Variants in KCNG2 observed in about 807,000 individuals in gnomAD.
KCNG2 encodes the protein potassium voltage-gated channel modifier subfamily G member 2, also known as voltage-gated potassium channel regulatory subunit KCNG2.
A neutral mutation model predicts 12.3 loss-of-function variants in KCNG2; 7 were observed. That is an observed-to-expected ratio of 0.57 (90% CI 0.32 to 1.07). The LOEUF (loss-of-function observed/expected upper bound fraction) is 1.07, where lower values mean the gene tolerates loss of function less well. KCNG2 is among the 50% of genes least tolerant of loss of function. KCNG2 has a pLI of 0.04. For missense variants in KCNG2, 703 were observed against 726.0 expected, an observed-to-expected ratio of 0.97 and a Z score of 0.36; for synonymous variants, 414 against 351.4, an observed-to-expected ratio of 1.18 and a Z score of -1.99.
chr18:79,882,158 C>T (rs577383038), intron 3 of KCNG2, among the ~76,000 whole-genome samples: 11 of 152,194 alleles, frequency 7.2e-5, no homozygotes, highest in Admixed American at 1.3e-4. Flanking sequence ...AGTTCCCAGA[C>T]GTGGCGTCAG....
chr18:79,867,573 T>C (rs1979652899), intron 3 of KCNG2, among the ~76,000 whole-genome samples: 1 of 96,448 alleles, frequency 1.0e-5, no homozygotes, highest in Non-Finnish European at 2.0e-5. Context: ...GGAGGGACCG[T>C]GAGCTCAGTG....
intron 3 of KCNG2, among the ~76,000 whole-genome samples, chr18:79,865,848 CTG>C (rs1979494546): frequency 1.7e-5 from 1 of 57,536 alleles, no homozygotes; most frequent in Non-Finnish European, 4.8e-5. Context: ...GCTGAGAGGA[CTG>C]TGTGCTGAGA....
chr18:79,866,694 AGGTCTGGGTGCTG>A (rs1979579797), intron 3 of KCNG2, among the ~76,000 whole-genome samples: 3 of 112,138 alleles, frequency 2.7e-5, no homozygotes, highest in Non-Finnish European at 3.7e-5. Flanking sequence ...GGGTGCTGAG[AGGTCTGGGTGCTG>A]AGAAGTCTGT....
chr18:79,852,762 G>A (rs774296015), intron 1 of KCNG2, among the ~76,000 whole-genome samples: 79 of 152,352 alleles, frequency 5.2e-4, no homozygotes, highest in South Asian at 1.0e-3. Flanking sequence ...AATCAGGGGC[G>A]GAGCCGTAAT....
chr18:79,871,750 C>T (rs559456495), intron 3 of KCNG2, among the ~76,000 whole-genome samples: 1 of 152,330 alleles, frequency 6.6e-6, no homozygotes, highest in African/African-American at 2.4e-5. Flanking sequence ...GTCCCGTTGG[C>T]CTGGACGTCT....
At chr18:79,819,436 C>T (rs376482806) in intron 1 of KCNG2, among the ~76,000 whole-genome samples, 3 of 152,346 alleles carry the variant, frequency 2.0e-5, no homozygotes, top group African/African-American at 7.2e-5. Context: ...GTCCCCACAG[C>T]ACCTGTCCCA....
At chr18:79,889,228 G>T (rs567194341) in intron 3 of KCNG2, among the ~76,000 whole-genome samples, 12 of 152,196 alleles carry the variant, frequency 7.9e-5, no homozygotes, top group African/African-American at 2.9e-4. Context: ...ATCCTTTGTC[G>T]TGAAGATTTT....
intron 3 of KCNG2, among the ~76,000 whole-genome samples, chr18:79,879,337 G>T (rs550454582): frequency 5.9e-5 from 9 of 152,274 alleles, no homozygotes; most frequent in African/African-American, 2.2e-4. Context: ...GCAGTTTAGC[G>T]CCCCCGTCTC....
At chr18:79,893,228 A>AT (rs1444294295) in intron 3 of KCNG2, among the ~76,000 whole-genome samples, 8 of 151,026 alleles carry the variant, frequency 5.3e-5, no homozygotes, top group African/African-American at 1.5e-4. Flanking sequence ...TAATGGTACG[A>AT]TTGATATAGC....
intron 1 of KCNG2, among the ~76,000 whole-genome samples, chr18:79,815,514 C>T (rs973679535): frequency 2.0e-5 from 3 of 151,488 alleles, no homozygotes; most frequent in Admixed American, 6.6e-5. Context: ...TGGCTTCTAG[C>T]GGAATCAAAG....
At chr18:79,866,156 A>G (rs1216306953) in intron 3 of KCNG2, among the ~76,000 whole-genome samples, 27 of 53,114 alleles carry the variant, frequency 5.1e-4, no homozygotes, top group Middle Eastern at 0.019. Flanking sequence ...AGAGGTCGGT[A>G]TGCTGAGAGG....
At chr18:79,873,425 C>A (rs1979934792) in intron 3 of KCNG2, among the ~76,000 whole-genome samples, 6 of 133,522 alleles carry the variant, frequency 4.5e-5, no homozygotes, top group Admixed American at 4.4e-4. Flanking sequence ...GCCGGCCCCC[C>A]TCCCCCCCCC....
intron 3 of KCNG2, among the ~76,000 whole-genome samples, chr18:79,889,374 C>T (rs1364306206): frequency 6.6e-6 from 1 of 152,196 alleles, no homozygotes; most frequent in African/African-American, 2.4e-5. Flanking sequence ...CCAGGCACCC[C>T]AGTACCGCTT....
intron 1 of KCNG2, among the ~76,000 whole-genome samples, chr18:79,799,857 G>A (rs1483862331): frequency 6.6e-6 from 1 of 152,174 alleles, no homozygotes; most frequent in East Asian, 1.9e-4. Context: ...CCAGCGTGCG[G>A]CTGGGGCTGC....
At chr18:79,844,695 C>A (rs958970748) in intron 1 of KCNG2, among the ~76,000 whole-genome samples, 7 of 152,148 alleles carry the variant, frequency 4.6e-5, no homozygotes, top group African/African-American at 1.7e-4. Flanking sequence ...CAAATGAATA[C>A]AATAAGATGT....
At chr18:79,879,881 G>T (rs547761348) in intron 3 of KCNG2, among the ~76,000 whole-genome samples, 1 of 152,156 alleles carries the variant, frequency 6.6e-6, no homozygotes, top group East Asian at 1.9e-4. Context: ...CCCACCAAAG[G>T]CAGGACAGGA....
At chr18:79,849,855 G>A (rs1978755528) in intron 1 of KCNG2, among the ~76,000 whole-genome samples, 1 of 149,996 alleles carries the variant, frequency 6.7e-6, no homozygotes, top group Non-Finnish European at 1.5e-5. Flanking sequence ...GTGGTTTAGT[G>A]GGAGGAACCC....
chr18:79,854,524 C>T (rs1978939575), intron 1 of KCNG2, among the ~76,000 whole-genome samples: 1 of 121,002 alleles, frequency 8.3e-6, no homozygotes, highest in Admixed American at 1.1e-4. Context: ...CATTGCCTTT[C>T]ATTGGCTTTT....
intron 3 of KCNG2, among the ~76,000 whole-genome samples, chr18:79,870,758 T>C (rs971107691): frequency 6.6e-6 from 1 of 152,218 alleles, no homozygotes; most frequent in Non-Finnish European, 1.5e-5. Flanking sequence ...ATTTGAAGCA[T>C]TGAATTCACT....
Sources: gnomAD v4.1 joint callset for allele counts (sites outside exome capture counted in the v4.1 genomes callset) on GRCh38, gnomAD v4.1.1 for gene constraint, MANE v1.5 for transcripts, NCBI Gene and HGNC (gene_info 2026-07-23, HGNC 2026-07-21) for gene names.